Variants in UBE4B observed in about 807,000 individuals in gnomAD.
UBE4B encodes the protein ubiquitination factor E4B, also known as ubiquitin conjugation factor E4 B.
In UBE4B, 27 loss-of-function variants were observed where a neutral mutation model predicts 148.1. The observed-to-expected ratio is 0.18, with a 90% confidence interval of 0.13 to 0.25. The LOEUF is 0.25. Among genes scored for constraint, UBE4B ranks in the 10% least tolerant of loss-of-function variants. UBE4B has a pLI of 1.00. For synonymous variants in UBE4B, 596 were observed against 619.3 expected (o/e 0.96, Z 0.56); for missense variants, 1,170 against 1,662.4 (o/e 0.70, Z 5.15).
chr1:10,146,133 C>A (rs1398614605), intron 18 of UBE4B, among the ~76,000 whole-genome samples: 2 of 152,134 alleles, frequency 1.3e-5, no homozygotes, highest in Non-Finnish European at 2.9e-5. Flanking sequence ...AAGCAGTCCA[C>A]AGATGTGTTT....
intron 8 of UBE4B, among the ~76,000 whole-genome samples, chr1:10,118,901 T>G (rs1377057655): frequency 2.6e-5 from 3 of 117,376 alleles, no homozygotes; most frequent in South Asian, 2.8e-4. Context: ...TTTTTTTTTT[T>G]GAGATGGAGT....
intron 10 of UBE4B, among the ~76,000 whole-genome samples, chr1:10,124,440 G>A (rs928015567): frequency 2.6e-5 from 4 of 152,090 alleles, no homozygotes; most frequent in African/African-American, 7.2e-5. Context: ...CGCCCACCTC[G>A]GCCTCCCAAA....
chr1:10,116,552 A>G (rs768147222), intron 7 of UBE4B, among the ~76,000 whole-genome samples: 3 of 152,090 alleles, frequency 2.0e-5, no homozygotes, highest in Non-Finnish European at 4.4e-5. Context: ...ATTAATCCGT[A>G]TGTGTCTTTT....
chr1:10,073,576 C>G (rs762656712), intron 2 of UBE4B, among the ~76,000 whole-genome samples: 1 of 151,898 alleles, frequency 6.6e-6, no homozygotes, highest in African/African-American at 2.4e-5. Context: ...TACAAAAAGC[C>G]GGGTGTGGTG....
At position 10,105,668 on chromosome 1, in the gene UBE4B, C is replaced by G; in HGVS notation, c.733C>G (p.Leu245Val). The change falls in exon 6 of 28, where the codon CTA becomes GTA. Residue 245 changes from leucine to valine, a missense_variant. Leu to Val is a conservative substitution (Grantham distance 32). Coordinates refer to ENST00000343090, the MANE Select transcript of UBE4B (RefSeq NM_001105562.3). Reference protein sequence around the residue: ...AARSPDRNLLLNTGSNPGTSP... With the variant: ...AARSPDRNLLVNTGSNPGTSP... ...ACGGTCACCAGACAGAAATCTCTTG[C>G]TAAACACTGGCTCCAATCCAGGAAC... 3 of 1,614,200 alleles carry G rather than the reference C, an allele frequency of 1.9e-6. No individual in the cohort carries two copies. Among genetic ancestry groups the G allele is most frequent in the Non-Finnish European group, 2.5e-6 (3 of 1,180,036 alleles).
chr1:10,036,027 A>C (rs12030552), intron 1 of UBE4B, among the ~76,000 whole-genome samples: 12,689 of 150,558 alleles, frequency 0.084, 801 homozygotes, highest in African/African-American at 0.17. Flanking sequence ...TACAGGTGTG[A>C]GCCACCGCGC....
At chr1:10,066,103 A>C in intron 1 of UBE4B, among the ~76,000 whole-genome samples, 2 of 100,288 alleles carry the variant, frequency 2.0e-5, no homozygotes, top group Admixed American at 1.4e-4. Context: ...CTCCCTTTGT[A>C]CCTCCCTCCC....
chr1:10,088,558 T>C lies in UBE4B; in HGVS notation c.212-6903T>C, dbSNP rs531619606. Among the ~76,000 whole-genome samples, 169 of 151,948 alleles carry C rather than the reference T, an allele frequency of 1.1e-3. 1 individual carries two copies. Among genetic ancestry groups the C allele is most frequent in the Admixed American group, 6.4e-3 (98 of 15,246 alleles). ...GCCCAGCTAATTTTTGTATTTTTAG[T>C]AGAGACGGGGTTTCACCATGTTGGC... is the stretch of plus-strand genomic sequence containing the variant. On this transcript the variant is annotated intron_variant, in intron 2 of 27. Transcript: ENST00000343090.
intron 25 of UBE4B, among the ~76,000 whole-genome samples, chr1:10,178,250 G>A (rs1306329889): frequency 6.6e-6 from 1 of 151,996 alleles, no homozygotes; most frequent in Non-Finnish European, 1.5e-5. Flanking sequence ...CTTATAGGCT[G>A]CCAGGGCACA....
intron 3 of UBE4B, among the ~76,000 whole-genome samples, chr1:10,096,828 C>G (rs557853375): frequency 6.6e-6 from 1 of 152,060 alleles, no homozygotes; most frequent in Admixed American, 6.6e-5. Flanking sequence ...CACTTGAGGC[C>G]AGGAGTTCAA....
chr1:10,138,891 TATATC>T (rs1270875117), intron 17 of UBE4B, among the ~76,000 whole-genome samples: 1 of 152,252 alleles, frequency 6.6e-6, no homozygotes, highest in Non-Finnish European at 1.5e-5. Context: ...GTGGTTGAAT[TATATC>T]AGTTGGTTTT....
intron 12 of UBE4B, among the ~76,000 whole-genome samples, chr1:10,129,765 C>G (rs949777945): frequency 6.6e-6 from 1 of 151,986 alleles, no homozygotes; most frequent in South Asian, 2.1e-4. Context: ...AGTCTCGTGC[C>G]TCAGCCTCCC....
At chr1:10,062,199 C>T (rs762977750) in intron 1 of UBE4B, among the ~76,000 whole-genome samples, 9 of 152,104 alleles carry the variant, frequency 5.9e-5, no homozygotes, top group Admixed American at 3.3e-4. Context: ...TGAGCCACCA[C>T]ACCCGGCCCT....
intron 1 of UBE4B, 40 bp downstream of exon 1, chr1:10,033,734 A>G (rs1407762584): frequency 2.0e-6 from 3 of 1,529,504 alleles, no homozygotes; most frequent in African/African-American, 1.4e-5. Context: ...TTAGTTGGCA[A>G]CTCGTTAGCG....
intron 23 of UBE4B, among the ~76,000 whole-genome samples, chr1:10,166,939 A>T (rs1646256294): frequency 1.5e-5 from 2 of 136,504 alleles, no homozygotes; most frequent in African/African-American, 6.1e-5. Context: ...AAAATAAATA[A>T]ATCACACACA....
At chr1:10,044,428 A>T (rs1643874674) in intron 1 of UBE4B, among the ~76,000 whole-genome samples, 1 of 152,002 alleles carries the variant, frequency 6.6e-6, no homozygotes, top group East Asian at 1.9e-4. Flanking sequence ...GGCACCAGGG[A>T]CTGGTTTCGT....
At chr1:10,036,935 A>T (rs1643560322) in intron 1 of UBE4B, among the ~76,000 whole-genome samples, 1 of 152,206 alleles carries the variant, frequency 6.6e-6, no homozygotes, top group Non-Finnish European at 1.5e-5. Context: ...CAGTCCGTGA[A>T]AAAGGCTGGT....
At chr1:10,175,889 G>A (rs1366943088) in intron 25 of UBE4B, among the ~76,000 whole-genome samples, 1 of 151,962 alleles carries the variant, frequency 6.6e-6, no homozygotes, top group Non-Finnish European at 1.5e-5. Context: ...ACCATTTTGT[G>A]GCATGTAGTA....
At chr1:10,119,646 AG>A (rs1370281785) in intron 9 of UBE4B, 33 bp downstream of exon 9, 30 of 1,595,898 alleles carry the variant, frequency 1.9e-5, no homozygotes, top group Non-Finnish European at 2.5e-5. Context: ...TGACATTAGC[AG>A]GCAGAGAGCC....
Sources: allele counts gnomAD v4.1 joint callset (sites outside exome capture counted in the v4.1 genomes callset), GRCh38; gene constraint gnomAD v4.1.1; transcripts MANE v1.5; gene names NCBI Gene and HGNC (gene_info 2026-07-23, HGNC 2026-07-21).